The following PDZD2 variants were observed in gnomAD, a reference collection of about 807,000 sequenced individuals.
PDZD2 encodes the protein PDZ domain containing 2, also known as PDZ domain-containing protein 2.
Under a neutral mutation model 220.7 loss-of-function variants are expected in PDZD2, and 90 were observed. That is an observed-to-expected ratio of 0.41 (90% confidence interval 0.34 to 0.49). The LOEUF (loss-of-function observed/expected upper bound fraction) is 0.49, where lower values mean the gene tolerates loss of function less well. Ranked by LOEUF, PDZD2 falls within the 20% of genes least tolerant of loss-of-function variation. The probability of loss-of-function intolerance (pLI) is 0.28; values close to 1 mark genes in which losing one functional copy is unlikely to be tolerated. For synonymous variants in PDZD2, 1,375 were observed against 1,450.5 expected (o/e 0.95, Z 1.18); for missense variants, 3,174 against 3,608.5 (o/e 0.88, Z 3.08).
chr5:32,025,526 AAAAC>A (rs148530473), intron 6 of PDZD2, among the ~76,000 whole-genome samples: 45,380 of 137,298 alleles, frequency 0.33, 7,814 homozygotes, highest in Non-Finnish European at 0.37. Flanking sequence ...ACTCTGTCAC[AAAAC>A]AAACAAACAA....
rs149661282 is a variant in PDZD2, at chr5:32,061,529, A to G, written c.2451+395A>G. ...TTCTTACCACATCTTTTGTTGGGCC[A>G]TATGTTGGGAATTCTCTCATCTTTA... On this transcript the variant is annotated intron_variant, in intron 14 of 24. Coordinates refer to ENST00000438447, the MANE Select transcript of PDZD2 (RefSeq NM_178140.4). 2.5e-3 allele frequency among the ~76,000 whole-genome samples: 386 copies of G among 152,286 alleles called. 1 individual carries two copies. The highest frequency in any genetic ancestry group is 9.0e-3 in the African/African-American group (375 of 41,560).
At chr5:31,803,115 C>T (rs1196597308) in intron 2 of PDZD2, among the ~76,000 whole-genome samples, 1 of 147,214 alleles carries the variant, frequency 6.8e-6, no homozygotes, top group Non-Finnish European at 1.5e-5. Context: ...TTTTTTTTTG[C>T]AGACAGCGTC....
At position 32,057,981 on chromosome 5, in the gene PDZD2, C is replaced by T. The variant is rs372245330; in HGVS notation, c.2078C>T (p.Pro693Leu). Residue 693 changes from proline to leucine, a missense_variant, in exon 12 of 25, where the codon CCG becomes CTG. Around this residue, in one of 4 missense-constraint regions of PDZD2, gnomAD observed 1,861 missense variants for 2,001.0 expected, o/e 0.93. Transcript: ENST00000438447. Reference sequence around the variant, plus strand: ...ACACACATGAGCAGATCCGCCTCCCCGAACTTCAATACCAGTGGGGGAGCC... The same window carrying T: ...ACACACATGAGCAGATCCGCCTCCCTGAACTTCAATACCAGTGGGGGAGCC... ...TPTHMSRSAS[P>L]NFNTSGGASA... 9.3e-6 allele frequency: 15 copies of T among 1,613,570 alleles called. No individual in the cohort carries two copies. The highest frequency in any genetic ancestry group is 2.7e-5 in the African/African-American group (2 of 74,870).
At chr5:31,890,590 A>G (rs1740941469) in intron 2 of PDZD2, among the ~76,000 whole-genome samples, 2 of 152,256 alleles carry the variant, frequency 1.3e-5, no homozygotes, top group South Asian at 4.1e-4. Flanking sequence ...CCAGCTTTAG[A>G]TGTTAATTGC....
intron 2 of PDZD2, among the ~76,000 whole-genome samples, chr5:31,979,608 C>CA (rs1750116033): frequency 6.6e-6 from 1 of 151,542 alleles, no homozygotes; most frequent in African/African-American, 2.4e-5. Context: ...TCATTTTTTC[C>CA]AGGTTTATGT....
At chr5:31,899,117 G>A (rs55800154) in intron 2 of PDZD2, among the ~76,000 whole-genome samples, 62,177 of 150,914 alleles carry the variant, frequency 0.41, 14,215 homozygotes, top group Non-Finnish European at 0.52. Context: ...GTGAACCACC[G>A]CGCCTGGCCT....
At chr5:32,001,172 C>A (rs1346296795) in intron 5 of PDZD2, among the ~76,000 whole-genome samples, 1 of 152,116 alleles carries the variant, frequency 6.6e-6, no homozygotes, top group Non-Finnish European at 1.5e-5. Flanking sequence ...CCAAAAAGGT[C>A]AGGGACTGCA....
chr5:31,694,942 G>A (rs79133973), intron 1 of PDZD2, among the ~76,000 whole-genome samples: 4,102 of 151,992 alleles, frequency 0.027, 208 homozygotes, highest in African/African-American at 0.095. Flanking sequence ...TGACCAATAT[G>A]GTGACACCTC....
chr5:31,653,985 C>T (rs1332271150), intron 1 of PDZD2, among the ~76,000 whole-genome samples: 1 of 152,114 alleles, frequency 6.6e-6, no homozygotes, highest in African/African-American at 2.4e-5. Flanking sequence ...GGGGTTTCAC[C>T]GTGTTAGCCA....
At chr5:31,925,995 G>C (rs2150385248) in intron 2 of PDZD2, among the ~76,000 whole-genome samples, 1 of 152,204 alleles carries the variant, frequency 6.6e-6, no homozygotes, top group African/African-American at 2.4e-5. Flanking sequence ...GAGGTGGGAG[G>C]ATCATTTGAG....
chr5:32,105,372 T>C (rs549359480), intron 24 of PDZD2, among the ~76,000 whole-genome samples: 1 of 152,274 alleles, frequency 6.6e-6, no homozygotes, highest in South Asian at 2.1e-4. Context: ...AAATAAAAAA[T>C]CTCATACTAT....
chr5:32,020,414 G>A (rs1020164759), intron 6 of PDZD2, among the ~76,000 whole-genome samples: 2 of 152,178 alleles, frequency 1.3e-5, no homozygotes, highest in South Asian at 4.1e-4. Flanking sequence ...CACGAAGTGG[G>A]AACAGGGTAA....
intron 1 of PDZD2, among the ~76,000 whole-genome samples, chr5:31,737,127 T>A (rs72755449): frequency 0.048 from 7,177 of 149,874 alleles, 262 homozygotes; most frequent in Non-Finnish European, 0.071. Flanking sequence ...AGCACTGGGG[T>A]GGATGCAGCC....
chr5:31,964,917 C>T (rs1748589619), intron 2 of PDZD2, among the ~76,000 whole-genome samples: 1 of 152,078 alleles, frequency 6.6e-6, no homozygotes. Context: ...GGGGTTTACA[C>T]TGTACCGTGT....
intron 1 of PDZD2, among the ~76,000 whole-genome samples, chr5:31,772,817 T>A (rs915110920): frequency 2.0e-5 from 3 of 152,234 alleles, no homozygotes; most frequent in Non-Finnish European, 4.4e-5. Flanking sequence ...GAATCAGGCC[T>A]TTCCATCAAT....
At chr5:31,773,945 T>TG (rs1752483461) in intron 1 of PDZD2, among the ~76,000 whole-genome samples, 1 of 152,184 alleles carries the variant, frequency 6.6e-6, no homozygotes, top group Non-Finnish European at 1.5e-5. Flanking sequence ...ATAGCTAGCA[T>TG]GCAGCTGGTG....
chr5:31,998,379 C>A (rs1751811390), intron 4 of PDZD2, among the ~76,000 whole-genome samples: 1 of 152,202 alleles, frequency 6.6e-6, no homozygotes, highest in South Asian at 2.1e-4. Flanking sequence ...CTGGTGTCTC[C>A]TGTCTCCTGT....
intron 2 of PDZD2, chr5:31,840,399 TA>T (rs1757200414): frequency 3.5e-3 from 12 of 3,470 alleles, no homozygotes; most frequent in East Asian, 0.021. Flanking sequence ...ATTTTCATTA[TA>T]TATATATATA....
At chr5:31,960,315 C>G (rs560854496) in intron 2 of PDZD2, among the ~76,000 whole-genome samples, 3 of 151,956 alleles carry the variant, frequency 2.0e-5, no homozygotes, top group Admixed American at 6.6e-5. Context: ...CCCCCAGGTT[C>G]AAGAAGATTC....
Sources: allele counts gnomAD v4.1 joint callset (sites outside exome capture counted in the v4.1 genomes callset), GRCh38; gene constraint gnomAD v4.1.1; regional missense constraint gnomAD v4.1.1; transcripts MANE v1.5; gene names NCBI Gene and HGNC (gene_info 2026-07-23, HGNC 2026-07-21).